The following CHCHD6 variants were observed in gnomAD, a reference collection of about 807,000 sequenced individuals.
CHCHD6 encodes the protein MICOS complex subunit MIC25.
CHCHD6 carries 28 observed loss-of-function variants against 32.3 expected under a neutral mutation model. That is an observed-to-expected ratio of 0.87 (90% confidence interval 0.64 to 1.19). CHCHD6 has a LOEUF of 1.19. CHCHD6 is among the 50% of genes most tolerant of loss of function. CHCHD6 has a pLI of 0.00. For synonymous variants in CHCHD6, 122 were observed against 117.5 expected, an observed-to-expected ratio of 1.04 and a Z score of -0.25; for missense variants, 333 against 307.0, an observed-to-expected ratio of 1.08 and a Z score of -0.63.
intron 2 of CHCHD6, 32 bp from the exon 3 acceptor site, chr3:126,730,529 C>T (rs1461386409): frequency 6.2e-7 from 1 of 1,602,690 alleles, no homozygotes; most frequent in Non-Finnish European, 8.5e-7. Context: ...TGGGGTGCCA[C>T]TGACAGGCCC....
chr3:126,745,054 G>A (rs1936436372), intron 4 of CHCHD6, among the ~76,000 whole-genome samples: 1 of 152,158 alleles, frequency 6.6e-6, no homozygotes, highest in South Asian at 2.1e-4. Flanking sequence ...TATTTTATAT[G>A]GGTGTGGGAG....
chr3:126,747,187 C>G (rs1425933333), intron 4 of CHCHD6, among the ~76,000 whole-genome samples: 1 of 152,180 alleles, frequency 6.6e-6, no homozygotes, highest in Non-Finnish European at 1.5e-5. Flanking sequence ...GCTGGTGATG[C>G]CTCAGTTTCT....
At chr3:126,757,303 AG>A (rs1456368036) in intron 4 of CHCHD6, among the ~76,000 whole-genome samples, 1 of 152,218 alleles carries the variant, frequency 6.6e-6, no homozygotes, top group Non-Finnish European at 1.5e-5. Context: ...CATGCATTTC[AG>A]GTAAGGGAAA....
chr3:126,870,312 C>A (rs556882837), intron 5 of CHCHD6, among the ~76,000 whole-genome samples: 1 of 152,160 alleles, frequency 6.6e-6, no homozygotes, highest in Non-Finnish European at 1.5e-5. Context: ...AATTAGGACC[C>A]GTTGCTTCTA....
At chr3:126,913,593 C>A (rs1287754592) in intron 5 of CHCHD6, among the ~76,000 whole-genome samples, 1 of 152,156 alleles carries the variant, frequency 6.6e-6, no homozygotes, top group African/African-American at 2.4e-5. Flanking sequence ...ACCTTCCTCA[C>A]CCGCACTGGG....
chr3:126,731,784 A>G (rs1935814217), intron 3 of CHCHD6, among the ~76,000 whole-genome samples: 1 of 152,150 alleles, frequency 6.6e-6, no homozygotes, highest in African/African-American at 2.4e-5. Context: ...TAGCAAGAAT[A>G]ACTCACCTGG....
intron 6 of CHCHD6, among the ~76,000 whole-genome samples, chr3:126,945,683 G>A (rs897076602): frequency 5.7e-5 from 8 of 141,474 alleles, no homozygotes; most frequent in East Asian, 2.2e-4. Flanking sequence ...TGGGAGATTC[G>A]GGGGAAGACT....
intron 4 of CHCHD6, among the ~76,000 whole-genome samples, chr3:126,761,388 A>G (rs181963601): frequency 6.6e-6 from 1 of 152,230 alleles, no homozygotes; most frequent in East Asian, 1.9e-4. Flanking sequence ...CACCAATTAT[A>G]TGACATTTAG....
At chr3:126,711,687 G>C (rs974901278) in intron 1 of CHCHD6, among the ~76,000 whole-genome samples, 13 of 152,206 alleles carry the variant, frequency 8.5e-5, no homozygotes, top group African/African-American at 3.1e-4. Context: ...ATTTAGCATA[G>C]ACACCACGAA....
intron 7 of CHCHD6, among the ~76,000 whole-genome samples, chr3:126,958,966 ACC>A (rs2078824846): frequency 6.6e-6 from 1 of 152,178 alleles, no homozygotes; most frequent in Non-Finnish European, 1.5e-5. Flanking sequence ...CTAACTCTTT[ACC>A]GAGGGATCTG....
intron 4 of CHCHD6, chr3:126,766,793 C>T: frequency 9.4e-7 from 1 of 1,066,574 alleles, no homozygotes; most frequent in Non-Finnish European, 1.5e-6. Context: ...AGACCACCCA[C>T]TTCACTGATG....
intron 1 of CHCHD6, among the ~76,000 whole-genome samples, chr3:126,721,000 C>G (rs553885774): frequency 1.1e-4 from 17 of 152,334 alleles, no homozygotes; most frequent in African/African-American, 4.1e-4. Flanking sequence ...GATCTGCTGC[C>G]TTCTTAGAAT....
chr3:126,932,597 G>A (rs1054992129), intron 6 of CHCHD6, among the ~76,000 whole-genome samples: 1 of 152,204 alleles, frequency 6.6e-6, no homozygotes, highest in Non-Finnish European at 1.5e-5. Flanking sequence ...AGAGCCTGTG[G>A]TGGGCGACCA....
Position 126,743,458 on chromosome 3 carries a change from G to T in CHCHD6, c.411+10236G>T, listed in dbSNP as rs569833331. The stretch of plus-strand genomic sequence containing the variant: ...GACATCCTCATTAGCTGCTAACTTT[G>T]TTAGGCAAATGGCTGATTGCGGTTC... On this transcript the variant is annotated intron_variant, in intron 4 of 7. Coordinates refer to ENST00000290913, the MANE Select transcript of CHCHD6 (RefSeq NM_032343.3). Among the ~76,000 whole-genome samples the T allele has an allele frequency of 1.1e-4, 16 of 152,318 alleles. No homozygotes were observed. The East Asian group carries it at 3.1e-3, about 29-fold the overall frequency.
At chr3:126,755,209 C>T (rs1001841818) in intron 4 of CHCHD6, among the ~76,000 whole-genome samples, 4 of 152,188 alleles carry the variant, frequency 2.6e-5, no homozygotes, top group Non-Finnish European at 4.4e-5. Flanking sequence ...GGATGGCAGG[C>T]AGCAGCTCTG....
chr3:126,723,456 C>T (rs1300800665), intron 1 of CHCHD6, among the ~76,000 whole-genome samples: 1 of 152,078 alleles, frequency 6.6e-6, no homozygotes, highest in African/African-American at 2.4e-5. Context: ...AAATGCAGTT[C>T]ACACTTGCGG....
At chr3:126,923,059 C>T (rs932852587) in intron 6 of CHCHD6, among the ~76,000 whole-genome samples, 5 of 152,188 alleles carry the variant, frequency 3.3e-5, no homozygotes, top group Non-Finnish European at 7.3e-5. Flanking sequence ...CCCCAGTGGT[C>T]TGCTGAACCT....
At chr3:126,896,582 A>C (rs2077843063) in intron 5 of CHCHD6, among the ~76,000 whole-genome samples, 1 of 152,156 alleles carries the variant, frequency 6.6e-6, no homozygotes, top group African/African-American at 2.4e-5. Context: ...TCCATTGCCA[A>C]CTGGCCACTC....
At chr3:126,906,447 G>A (rs1359823603) in intron 5 of CHCHD6, among the ~76,000 whole-genome samples, 1 of 152,242 alleles carries the variant, frequency 6.6e-6, no homozygotes, top group African/African-American at 2.4e-5. Flanking sequence ...GCGGCTTGAG[G>A]CCCAACCCTG....
Sources: gnomAD v4.1 joint callset for allele counts (sites outside exome capture counted in the v4.1 genomes callset) on GRCh38, gnomAD v4.1.1 for gene constraint, MANE v1.5 for transcripts, NCBI Gene and HGNC (gene_info 2026-07-23, HGNC 2026-07-21) for gene names.